The following GPAA1 variants were observed in gnomAD, a reference collection of about 807,000 sequenced individuals.
GPAA1 encodes GPI-anchor transamidase component GPAA1.
In GPAA1, 54 loss-of-function variants were observed where a neutral mutation model predicts 64.0. The observed-to-expected ratio is 0.84, with a 90% confidence interval of 0.68 to 1.06. The LOEUF is 1.06. Among genes scored for constraint, GPAA1 ranks in the 50% least tolerant of loss-of-function variants. The probability of loss-of-function intolerance (pLI) is 0.00; values close to 1 mark genes in which losing one functional copy is unlikely to be tolerated. For missense variants in GPAA1, 780 were observed against 822.3 expected (o/e 0.95, Z 0.63); for synonymous variants, 393 against 377.3 (o/e 1.04, Z -0.48).
rs782680615 is a variant in GPAA1 at position 144,083,093 on chromosome 8, C to T, written c.75-31C>T. The T allele has an allele frequency of 2.3e-5, 37 of 1,591,656 alleles. No homozygotes were observed. The East Asian group carries it at 7.6e-4, about 33-fold the overall frequency. On this transcript the variant is annotated intron_variant, in intron 1 of 11. Transcript: ENST00000355091. ...GGGTCGGCGTCTGAGGACCCGCTGACGCTCCGGTGCCCCTCCGTCCTCTCT... is the reference window on the plus strand; with the variant it reads ...GGGTCGGCGTCTGAGGACCCGCTGATGCTCCGGTGCCCCTCCGTCCTCTCT...
Sources: gnomAD v4.1 joint callset for allele counts on GRCh38, gnomAD v4.1.1 for gene constraint, MANE v1.5 for transcripts, NCBI Gene and HGNC (gene_info 2026-07-23, HGNC 2026-07-21) for gene names.